The following IGSF21 variants were observed in gnomAD, a reference collection of about 807,000 sequenced individuals.
IGSF21 encodes the protein immunoglobin superfamily member 21, also known as immunoglobulin superfamily member 21.
A neutral mutation model predicts 46.8 loss-of-function variants in IGSF21; 28 were observed. The observed-to-expected ratio is 0.60, with a 90% CI of 0.44 to 0.82. The LOEUF (loss-of-function observed/expected upper bound fraction) is 0.82, where lower values mean the gene tolerates loss of function less well. Ranked by LOEUF, IGSF21 falls within the 40% of genes least tolerant of loss-of-function variation. The pLI is 0.00. For synonymous variants in IGSF21, 284 were observed against 273.6 expected (o/e 1.04, Z -0.38); for missense variants, 624 against 665.5 (o/e 0.94, Z 0.69).
Position 18,365,783 on chromosome 1 carries a change from C to T in IGSF21, c.1015+86C>T, listed in dbSNP as rs1222215733. 2 of 1,166,434 alleles carry T rather than the reference C, an allele frequency of 1.7e-6. No homozygotes were observed. The highest frequency in any genetic ancestry group is 1.6e-5 in the African/African-American group (1 of 64,438). 72.3% of individuals were successfully genotyped at this position (1,166,434 alleles called of 1,614,324 possible). ...TGGAATAGGGTTCCTGGGCTGAGGA[C>T]AGCCATGGAAAGGGGGAGGAGATGG... On this transcript the variant is annotated intron_variant, in intron 6 of 9. Coordinates refer to ENST00000251296, the MANE Select transcript of IGSF21 (RefSeq NM_032880.5). This position sits in a 1 kb window ranked among gnomAD's most constrained non-coding sequence, Gnocchi z 4.8.
At chr1:18,319,168 T>A (rs1205593543) in intron 3 of IGSF21, among the ~76,000 whole-genome samples, 1 of 152,224 alleles carries the variant, frequency 6.6e-6, no homozygotes, top group Non-Finnish European at 1.5e-5. Context: ...TCCTTCCCTC[T>A]TGATGTTCCA....
At chr1:18,116,842 G>A (rs1329660803) in intron 1 of IGSF21, among the ~76,000 whole-genome samples, 1 of 152,256 alleles carries the variant, frequency 6.6e-6, no homozygotes, top group Non-Finnish European at 1.5e-5. Flanking sequence ...CAGGTCAGGA[G>A]TGGTTTCCAG....
intron 3 of IGSF21, 41 bp downstream of exon 3, chr1:18,292,028 C>T (rs747316914): frequency 1.6e-5 from 24 of 1,491,964 alleles, no homozygotes; most frequent in Admixed American, 8.7e-5. Context: ...GGGGGAAGGG[C>T]GGAGGGATGG....
intron 1 of IGSF21, among the ~76,000 whole-genome samples, chr1:18,156,064 G>A (rs565042977): frequency 1.3e-5 from 2 of 152,334 alleles, no homozygotes; most frequent in East Asian, 1.9e-4. Context: ...CGGTAAGTGG[G>A]CCAGGGCACC....
chr1:18,286,382 C>T (rs2085212307), intron 2 of IGSF21, among the ~76,000 whole-genome samples: 2 of 152,140 alleles, frequency 1.3e-5, no homozygotes, highest in African/African-American at 4.8e-5. Context: ...GCTCTTGGAG[C>T]TTACAGTCCT....
chr1:18,291,337 G>GTGCCGGGA (rs1219930917), intron 2 of IGSF21, among the ~76,000 whole-genome samples: 10 of 152,212 alleles, frequency 6.6e-5, no homozygotes, highest in Non-Finnish European at 5.9e-5. Context: ...TGCATCGCCC[G>GTGCCGGGA]TGCCGGGATG....
At chr1:18,218,051 C>T (rs1014226450) in intron 1 of IGSF21, among the ~76,000 whole-genome samples, 4 of 152,152 alleles carry the variant, frequency 2.6e-5, no homozygotes, top group Non-Finnish European at 4.4e-5. Context: ...TAGTGTTAGT[C>T]CATTCTTGCA....
At chr1:18,205,410 T>C (rs914003755) in intron 1 of IGSF21, among the ~76,000 whole-genome samples, 7 of 152,136 alleles carry the variant, frequency 4.6e-5, no homozygotes, top group African/African-American at 1.7e-4. Context: ...AAGCTACCTT[T>C]CCAGCGAGAA....
intron 3 of IGSF21, among the ~76,000 whole-genome samples, chr1:18,323,672 G>T (rs1188380118): frequency 6.6e-6 from 1 of 152,092 alleles, no homozygotes; most frequent in African/African-American, 2.4e-5. Context: ...TGGGGGCAGG[G>T]CGGAGAGGGC....
intron 3 of IGSF21, among the ~76,000 whole-genome samples, chr1:18,295,170 G>A (rs1375985538): frequency 6.6e-6 from 1 of 152,176 alleles, no homozygotes; most frequent in Non-Finnish European, 1.5e-5. Context: ...GCCCCCAGGG[G>A]GTGCAGGTGT....
intron 2 of IGSF21, among the ~76,000 whole-genome samples, chr1:18,251,746 C>T (rs2084843883): frequency 6.6e-6 from 1 of 152,212 alleles, no homozygotes; most frequent in South Asian, 2.1e-4. Context: ...TATGGAGGCT[C>T]TCCCAATCTT....
At chr1:18,361,905 C>A in intron 4 of IGSF21, 1 of 568,862 alleles carries the variant, frequency 1.8e-6, no homozygotes, top group Non-Finnish European at 3.2e-6. Context: ...AAACTGTAAG[C>A]TCCAGGAGGG....
At chr1:18,218,066 TATAA>T (rs2084470492) in intron 1 of IGSF21, among the ~76,000 whole-genome samples, 1 of 152,180 alleles carries the variant, frequency 6.6e-6, no homozygotes, top group South Asian at 2.1e-4. Context: ...CTTGCATTGC[TATAA>T]AGGACTGCCT....
chr1:18,273,417 TTCCTTTC>T (rs2124547760), intron 2 of IGSF21, among the ~76,000 whole-genome samples: 2 of 147,554 alleles, frequency 1.4e-5, no homozygotes, highest in South Asian at 4.3e-4. Context: ...TTCCTTTCTT[TTCCTTTC>T]CTTTCCTTTC....
chr1:18,211,791 T>A (rs1023277912), intron 1 of IGSF21, among the ~76,000 whole-genome samples: 10 of 152,382 alleles, frequency 6.6e-5, no homozygotes, highest in Non-Finnish European at 1.5e-4. Flanking sequence ...ATCCATATTT[T>A]AAATTTTATT....
In IGSF21 at chr1:18,150,408, C is replaced by CG. The variant is rs34970358; in HGVS notation, c.70+42218dup. ...ACAAGGAGGATGGTGCTTGGCATGGCGGGGGGGGTCTCAGGATACTTAAGG... is the reference window on the plus strand; with the variant it reads ...ACAAGGAGGATGGTGCTTGGCATGGCGGGGGGGGGTCTCAGGATACTTAAGG... On this transcript the variant is annotated intron_variant, in intron 1 of 9. Coordinates refer to ENST00000251296, the MANE Select transcript of IGSF21 (RefSeq NM_032880.5). 5.4e-3 allele frequency among the ~76,000 whole-genome samples: 822 copies of CG among 151,264 alleles called. 11 individuals carry two copies. Among genetic ancestry groups the CG allele is most frequent in the Middle Eastern group, 0.017 (5 of 294 alleles).
At chr1:18,352,292 C>A (rs1410120419) in intron 4 of IGSF21, among the ~76,000 whole-genome samples, 2 of 152,074 alleles carry the variant, frequency 1.3e-5, no homozygotes, top group Non-Finnish European at 2.9e-5. Flanking sequence ...TTCTTAGGAC[C>A]CTAATTTAGA....
At chr1:18,317,661 A>C (rs2085556534) in intron 3 of IGSF21, among the ~76,000 whole-genome samples, 1 of 152,124 alleles carries the variant, frequency 6.6e-6, no homozygotes, top group Non-Finnish European at 1.5e-5. Context: ...CACTCAGTCT[A>C]TGGCCATGAA....
At chr1:18,196,215 G>A (rs1489638903) in intron 1 of IGSF21, among the ~76,000 whole-genome samples, 3 of 152,202 alleles carry the variant, frequency 2.0e-5, no homozygotes, top group Non-Finnish European at 4.4e-5. Context: ...TGGAGGCAGG[G>A]AGGCCGGGGA....
Sources: gnomAD v4.1 joint callset for allele counts (sites outside exome capture counted in the v4.1 genomes callset) on GRCh38, gnomAD v4.1.1 for gene constraint, Gnocchi (gnomAD v3.1) non-coding constraint, MANE v1.5 for transcripts, NCBI Gene and HGNC (gene_info 2026-07-23, HGNC 2026-07-21) for gene names.